Variants in ELOVL6 observed in about 807,000 individuals in gnomAD.
ELOVL6 encodes very long chain fatty acid elongase 6.
ELOVL6 carries 8 observed loss-of-function variants against 31.7 expected under a neutral mutation model. The observed-to-expected ratio is 0.25, with a 90% confidence interval of 0.15 to 0.45. ELOVL6 has a LOEUF of 0.45. Among genes scored for constraint, ELOVL6 ranks in the 20% least tolerant of loss-of-function variants. The pLI is 1.00. For synonymous variants in ELOVL6, 101 were observed against 117.7 expected (o/e 0.86, Z 0.92); for missense variants, 126 against 326.4 (o/e 0.39, Z 4.73).
At chr4:110,160,236 G>C (rs1156786418) in intron 1 of ELOVL6, among the ~76,000 whole-genome samples, 2 of 152,150 alleles carry the variant, frequency 1.3e-5, no homozygotes, top group African/African-American at 2.4e-5. Context: ...CTTACAGGTA[G>C]AGCATTTTCA....
chr4:110,118,420 CT>C (rs1757250376), intron 1 of ELOVL6, among the ~76,000 whole-genome samples: 1 of 152,134 alleles, frequency 6.6e-6, no homozygotes, highest in East Asian at 1.9e-4. Flanking sequence ...CCAATATTAA[CT>C]TCACCCAGTA....
chr4:110,149,966 A>G (rs193037838), intron 1 of ELOVL6, among the ~76,000 whole-genome samples: 10 of 152,192 alleles, frequency 6.6e-5, no homozygotes, highest in African/African-American at 2.4e-4. Context: ...AAACAAGTAC[A>G]TCATGTAGTG....
intron 1 of ELOVL6, among the ~76,000 whole-genome samples, chr4:110,158,635 G>GTATATATATATATATATA (rs780807092): frequency 3.2e-4 from 26 of 81,554 alleles, no homozygotes; most frequent in Non-Finnish European, 3.9e-4. Flanking sequence ...ATATACACGT[G>GTATATATATATATATATA]TATATATATA....
chr4:110,183,918 G>C (rs1578286676), intron 1 of ELOVL6, among the ~76,000 whole-genome samples: 1 of 152,122 alleles, frequency 6.6e-6, no homozygotes, highest in Non-Finnish European at 1.5e-5. Flanking sequence ...GGAGGCAGAC[G>C]TTGCAGTGAG....
intron 1 of ELOVL6, among the ~76,000 whole-genome samples, chr4:110,145,987 T>G (rs1758094439): frequency 6.6e-6 from 1 of 152,086 alleles, no homozygotes; most frequent in Non-Finnish European, 1.5e-5. Context: ...TTCACAAAAT[T>G]GGAAAAAAAC....
At chr4:110,170,020 G>T (rs1306296408) in intron 1 of ELOVL6, among the ~76,000 whole-genome samples, 1 of 150,928 alleles carries the variant, frequency 6.6e-6, no homozygotes, top group Non-Finnish European at 1.5e-5. Flanking sequence ...TTACCATGTT[G>T]GCCAGACTGG....
At chr4:110,091,712 C>T (rs1444473047) in intron 2 of ELOVL6, among the ~76,000 whole-genome samples, 1 of 152,108 alleles carries the variant, frequency 6.6e-6, no homozygotes, top group Non-Finnish European at 1.5e-5. Context: ...ATATCCATTG[C>T]TAAGTCAATG....
chr4:110,130,237 C>A (rs372383352), intron 1 of ELOVL6, among the ~76,000 whole-genome samples: 7 of 152,138 alleles, frequency 4.6e-5, no homozygotes, highest in East Asian at 3.8e-4. Flanking sequence ...ATTAAAACTT[C>A]TCTGAATGTA....
chr4:110,129,350 C>T (rs1409638755), intron 1 of ELOVL6, among the ~76,000 whole-genome samples: 1 of 152,160 alleles, frequency 6.6e-6, no homozygotes, highest in East Asian at 1.9e-4. Flanking sequence ...TTGAGTCTCT[C>T]AAGAGATGCC....
At chr4:110,132,063 G>C (rs1350893415) in intron 1 of ELOVL6, among the ~76,000 whole-genome samples, 1 of 152,140 alleles carries the variant, frequency 6.6e-6, no homozygotes, top group African/African-American at 2.4e-5. Context: ...TGGGCTACAG[G>C]AGTCAGAAAT....
In ELOVL6 at chr4:110,051,227, T is replaced by C. The variant is rs1215950939; in HGVS notation, c.*111A>G. 7 of 1,167,174 alleles carry C rather than the reference T, an allele frequency of 6.0e-6. No homozygotes were observed. The highest frequency in any genetic ancestry group is 4.7e-5 in the Admixed American group (2 of 42,922). 72.3% of individuals were successfully genotyped at this position (1,167,174 alleles called of 1,614,324 possible). A position where few individuals can be genotyped will look rare whatever the true frequency, so the allele number is the denominator to read the frequency against. ...AAGCTGCCTTGGGTTTTGTGTTTGC[T>C]CATGTTTTGTTTTGTTTTAGCTGCA... On this transcript the variant is annotated 3_prime_UTR_variant, in exon 4 of 4. Coordinates refer to ENST00000302274, the MANE Select transcript of ELOVL6 (RefSeq NM_024090.3). This position sits in a 1 kb window ranked among gnomAD's most constrained non-coding sequence, Gnocchi z 4.8.
intron 1 of ELOVL6, among the ~76,000 whole-genome samples, chr4:110,178,171 A>G (rs1308542920): frequency 6.6e-6 from 1 of 152,226 alleles, no homozygotes; most frequent in Non-Finnish European, 1.5e-5. Context: ...ATTTAACAAC[A>G]TGCAGAAATA....
chr4:110,146,162 C>T (rs1284581937), intron 1 of ELOVL6, among the ~76,000 whole-genome samples: 1 of 152,052 alleles, frequency 6.6e-6, no homozygotes, highest in Non-Finnish European at 1.5e-5. Flanking sequence ...GATCAATGGA[C>T]AGAATAGAGA....
chr4:110,151,652 C>G (rs1485243560), intron 1 of ELOVL6, among the ~76,000 whole-genome samples: 2 of 152,146 alleles, frequency 1.3e-5, no homozygotes, highest in African/African-American at 4.8e-5. Context: ...ATTTGACATG[C>G]CTGCCCATTA....
rs903656005 is a variant in ELOVL6, at chr4:110,192,967, G to A, written c.89+5280C>T. ...TACAGAGCTGACCAAATTTGTTGCT[G>A]CAATGTTAATGATGAAATGAAACTC... On this transcript the variant is annotated intron_variant, in intron 1 of 3. Coordinates refer to ENST00000302274, the MANE Select transcript of ELOVL6 (RefSeq NM_024090.3). Among the ~76,000 whole-genome samples the A allele has an allele frequency of 5.9e-5, 9 of 152,276 alleles. No homozygotes were observed. The South Asian group carries it at 8.3e-4, about 14-fold the overall frequency.
At chr4:110,184,960 T>C (rs1197967850) in intron 1 of ELOVL6, among the ~76,000 whole-genome samples, 2 of 152,198 alleles carry the variant, frequency 1.3e-5, no homozygotes, top group African/African-American at 4.8e-5. Flanking sequence ...TCCACAGATC[T>C]GCTAAATCTG....
intron 1 of ELOVL6, among the ~76,000 whole-genome samples, chr4:110,185,002 C>T (rs144752891): frequency 1.3e-5 from 2 of 152,284 alleles, no homozygotes; most frequent in African/African-American, 4.8e-5. Flanking sequence ...CATGTGTGTA[C>T]TGGGGAAAAA....
Position 110,073,150 on chromosome 4 carries a change from G to T in ELOVL6, c.222-13396C>A, listed in dbSNP as rs145841494. Among the ~76,000 whole-genome samples the T allele has an allele frequency of 2.5e-3, 385 of 152,086 alleles. 2 individuals carry two copies. Among genetic ancestry groups the T allele is most frequent in the African/African-American group, 8.6e-3 (357 of 41,468 alleles). ...GCTAGAATGTAATGATACAATTCTG[G>T]TAATTTTCAAAATGAGAAATCTATG... On this transcript the variant is annotated intron_variant, in intron 2 of 3. Coordinates refer to ENST00000302274, the MANE Select transcript of ELOVL6 (RefSeq NM_024090.3).
chr4:110,192,485 G>T (rs778049145), intron 1 of ELOVL6, among the ~76,000 whole-genome samples: 20 of 152,004 alleles, frequency 1.3e-4, no homozygotes, highest in African/African-American at 2.4e-5. Flanking sequence ...AAAGCAACAG[G>T]CAATCCTCTG....
Sources: gnomAD v4.1 joint callset for allele counts (sites outside exome capture counted in the v4.1 genomes callset) on GRCh38, gnomAD v4.1.1 for gene constraint, Gnocchi (gnomAD v3.1) non-coding constraint, MANE v1.5 for transcripts, NCBI Gene and HGNC (gene_info 2026-07-23, HGNC 2026-07-21) for gene names.